RPS6KA5: variants seen among roughly 807,000 people sequenced by gnomAD.
The protein encoded by RPS6KA5 is ribosomal protein S6 kinase A5, also known as ribosomal protein S6 kinase alpha-5.
Under a neutral mutation model 85.5 loss-of-function variants are expected in RPS6KA5, and 27 were observed. The observed-to-expected ratio is 0.32, with a 90% CI of 0.23 to 0.44. RPS6KA5 has a LOEUF of 0.44. RPS6KA5 is among the 20% of genes least tolerant of loss of function. The probability of loss-of-function intolerance (pLI) is 1.00; values close to 1 mark genes in which losing one functional copy is unlikely to be tolerated. For missense variants in RPS6KA5, 811 were observed against 980.9 expected (o/e 0.83, Z 2.31); for synonymous variants, 334 against 348.2 (o/e 0.96, Z 0.46).
At chr14:90,972,894 C>T (rs4479161) in intron 3 of RPS6KA5, among the ~76,000 whole-genome samples, 78,242 of 151,896 alleles carry the variant, frequency 0.52, 20,213 homozygotes, top group East Asian at 0.64. Flanking sequence ...AAAAAAGAGG[C>T]AAAGGGTACA....
At chr14:91,040,240 C>T (rs562181377) in intron 1 of RPS6KA5, among the ~76,000 whole-genome samples, 46 of 152,228 alleles carry the variant, frequency 3.0e-4, no homozygotes, top group Middle Eastern at 6.8e-3. Flanking sequence ...GAAACCCCAT[C>T]TTTACTAAAA....
chr14:90,889,024 T>C (rs2034397547), intron 14 of RPS6KA5, among the ~76,000 whole-genome samples: 1 of 152,196 alleles, frequency 6.6e-6, no homozygotes, highest in Non-Finnish European at 1.5e-5. Context: ...CTGGGCACAG[T>C]GGCTCTCGCC....
intron 14 of RPS6KA5, among the ~76,000 whole-genome samples, chr14:90,887,474 T>A (rs1326331689): frequency 6.6e-6 from 1 of 152,046 alleles, no homozygotes; most frequent in Non-Finnish European, 1.5e-5. Context: ...ACAGACTGTG[T>A]CTGTCCATAA....
At chr14:90,954,655 C>G (rs1428446309) in intron 3 of RPS6KA5, among the ~76,000 whole-genome samples, 1 of 152,180 alleles carries the variant, frequency 6.6e-6, no homozygotes, top group Non-Finnish European at 1.5e-5. Flanking sequence ...CTCAAGTGAT[C>G]CAGCTGCCTC....
At chr14:91,050,848 G>C (rs1292615134) in intron 1 of RPS6KA5, among the ~76,000 whole-genome samples, 1 of 152,100 alleles carries the variant, frequency 6.6e-6, no homozygotes, top group South Asian at 2.1e-4. Context: ...CATTATTAAT[G>C]GAACCACATT....
chr14:91,046,138 G>C (rs533641372), intron 1 of RPS6KA5, among the ~76,000 whole-genome samples: 12 of 152,004 alleles, frequency 7.9e-5, no homozygotes, highest in Non-Finnish European at 1.5e-4. Flanking sequence ...CATAGGGTTA[G>C]TTATTTAGTG....
rs1357622887 is a variant in RPS6KA5 at position 91,060,316 on chromosome 14, G to C, written c.103+16C>G. ...CCCCGCGCCGGGCCCGGCCGGCAGA[G>C]GGCGGGGTCGCTCACCAGTCCGCAG... is the stretch of plus-strand genomic sequence containing the variant. On this transcript the variant is annotated intron_variant, in intron 1 of 16. Coordinates refer to ENST00000614987, the MANE Select transcript of RPS6KA5 (RefSeq NM_004755.4). 3 of 1,296,960 alleles carry C rather than the reference G, an allele frequency of 2.3e-6. No individual in the cohort carries two copies. In the Admixed American group the frequency reaches 1.0e-4, roughly 44 times the overall value. 80.3% of individuals were successfully genotyped at this position (1,296,960 alleles called of 1,614,324 possible). A position where few individuals can be genotyped will look rare whatever the true frequency, so the allele number is the denominator to read the frequency against.
chr14:90,988,987 T>C lies in RPS6KA5; in HGVS notation c.176-10463A>G, dbSNP rs146474719. On this transcript the variant is annotated intron_variant, in intron 2 of 16. Transcript: ENST00000614987. ...TAAATTTTTATTAAAAATATCACTT[T>C]AGTTGAAATTACTCCCAGAGATGCT... 6.9e-4 allele frequency among the ~76,000 whole-genome samples: 105 copies of C among 152,310 alleles called. 1 individual carries two copies. The highest frequency in any genetic ancestry group is 2.4e-3 in the African/African-American group (100 of 41,578).
At chr14:90,931,606 A>C (rs577272726) in intron 5 of RPS6KA5, among the ~76,000 whole-genome samples, 8 of 152,206 alleles carry the variant, frequency 5.3e-5, no homozygotes, top group Non-Finnish European at 1.0e-4. Context: ...TAAAATGTTA[A>C]ATGGCAAAAA....
intron 1 of RPS6KA5, among the ~76,000 whole-genome samples, chr14:91,024,346 G>C (rs2041909382): frequency 6.6e-6 from 1 of 151,198 alleles, no homozygotes; most frequent in South Asian, 2.1e-4. Flanking sequence ...TCTAATGCTT[G>C]TCTCAGGACA....
chr14:90,876,248 C>G (rs1446234601), intron 14 of RPS6KA5, among the ~76,000 whole-genome samples: 4 of 152,152 alleles, frequency 2.6e-5, no homozygotes, highest in East Asian at 3.9e-4. Context: ...AGAGAGATAG[C>G]AGAACTCCTG....
chr14:91,060,572 C>T lies in RPS6KA5; in HGVS notation c.-138G>A. The T allele has an allele frequency of 1.8e-5, 20 of 1,099,818 alleles. No homozygotes were observed. Among genetic ancestry groups the T allele is most frequent in the Non-Finnish European group, 2.1e-5 (18 of 864,454 alleles). 68.1% of individuals were successfully genotyped at this position (1,099,818 alleles called of 1,614,324 possible). On this transcript the variant is annotated 5_prime_UTR_variant, in exon 1 of 17. Coordinates refer to ENST00000614987, the MANE Select transcript of RPS6KA5 (RefSeq NM_004755.4). ...CCAGAACTCGGACGCAAAGACGAGTCTCTTTCCCGCTCTGGCCGCACGGCT... is the reference window on the plus strand; with the variant it reads ...CCAGAACTCGGACGCAAAGACGAGTTTCTTTCCCGCTCTGGCCGCACGGCT...
At chr14:91,032,449 G>A (rs1308930305) in intron 1 of RPS6KA5, among the ~76,000 whole-genome samples, 1 of 152,080 alleles carries the variant, frequency 6.6e-6, no homozygotes, top group Non-Finnish European at 1.5e-5. Context: ...CAGACACTGG[G>A]AAACAAAGAT....
At position 90,862,402 on chromosome 14, in the gene RPS6KA5, G is replaced by A. The variant is rs2032599592; in HGVS notation, c.*9672C>T. The A allele has an allele frequency of 6.6e-6, 1 of 151,622 alleles. No individual in the cohort carries two copies. Among genetic ancestry groups the A allele is most frequent in the Admixed American group, 6.6e-5 (1 of 15,166 alleles). The allele number at this position is 151,622 out of a possible 1,614,324, so 9.4% of individuals were successfully genotyped here. ...ACCAAAACTTGACAAAAATATTAAA[G>A]ACAGAAAAATTACAGGTCTGTCCTT... On this transcript the variant is annotated 3_prime_UTR_variant, in exon 17 of 17. Transcript: ENST00000614987.
At chr14:90,926,169 C>T (rs1183251786) in intron 5 of RPS6KA5, among the ~76,000 whole-genome samples, 1 of 151,880 alleles carries the variant, frequency 6.6e-6, no homozygotes, top group East Asian at 1.9e-4. Flanking sequence ...CTCTGGGAGG[C>T]TAAGGTGAGC....
intron 7 of RPS6KA5, 117 bp downstream of exon 7, chr14:90,920,089 A>T: frequency 1.3e-6 from 1 of 747,522 alleles, no homozygotes; most frequent in Non-Finnish European, 2.4e-6. Flanking sequence ...TTACCACATA[A>T]ACATCACTTT....
chr14:90,980,931 G>A lies in RPS6KA5; in HGVS notation c.176-2407C>T, dbSNP rs546959595. On this transcript the variant is annotated intron_variant, in intron 2 of 16. Transcript: ENST00000614987. ...TCAGGCCTGTAATCCCAGCACTTTGGGAGGCTGAGGCAGGTGGATCACCTG... is the reference window on the plus strand; with the variant it reads ...TCAGGCCTGTAATCCCAGCACTTTGAGAGGCTGAGGCAGGTGGATCACCTG... Among the ~76,000 whole-genome samples, 5 of 152,300 alleles carry A rather than the reference G, an allele frequency of 3.3e-5. No individual in the cohort carries two copies. The South Asian group carries it at 6.2e-4, about 19-fold the overall frequency.
At chr14:91,009,434 A>G (rs2041165282) in intron 1 of RPS6KA5, among the ~76,000 whole-genome samples, 1 of 152,216 alleles carries the variant, frequency 6.6e-6, no homozygotes, top group Non-Finnish European at 1.5e-5. Flanking sequence ...TTCTTTTAAT[A>G]GAGACCGAGT....
At chr14:91,024,553 G>C (rs559970924) in intron 1 of RPS6KA5, among the ~76,000 whole-genome samples, 94 of 152,248 alleles carry the variant, frequency 6.2e-4, no homozygotes, top group African/African-American at 2.1e-3. Flanking sequence ...TTTGTTTAAT[G>C]AATGATAGAG....
Sources: allele counts gnomAD v4.1 joint callset (sites outside exome capture counted in the v4.1 genomes callset), GRCh38; gene constraint gnomAD v4.1.1; transcripts MANE v1.5; gene names NCBI Gene and HGNC (gene_info 2026-07-23, HGNC 2026-07-21).